Variants in ARHGAP10 observed in about 807,000 individuals in gnomAD.
The protein encoded by ARHGAP10 is rho GTPase-activating protein 10.
ARHGAP10 carries 87 observed loss-of-function variants against 108.6 expected under a neutral mutation model. The observed-to-expected ratio is 0.80, with a 90% CI of 0.67 to 0.96. The LOEUF (loss-of-function observed/expected upper bound fraction) is 0.96, where lower values mean the gene tolerates loss of function less well. Among genes scored for constraint, ARHGAP10 ranks in the 40% least tolerant of loss-of-function variants. The pLI, the probability that ARHGAP10 is intolerant of heterozygous loss-of-function variation, is 0.00. For synonymous variants in ARHGAP10, 347 were observed against 341.1 expected, an observed-to-expected ratio of 1.02 and a Z score of -0.19; for missense variants, 939 against 954.5, an observed-to-expected ratio of 0.98 and a Z score of 0.21.
chr4:147,881,628 G>A (rs990098191), intron 9 of ARHGAP10, among the ~76,000 whole-genome samples: 9 of 152,120 alleles, frequency 5.9e-5, no homozygotes, highest in Admixed American at 5.9e-4. Context: ...AAAGAGCGAG[G>A]CTCCCTTCTC....
At chr4:147,906,394 G>A (rs975996651) in intron 10 of ARHGAP10, among the ~76,000 whole-genome samples, 2 of 152,182 alleles carry the variant, frequency 1.3e-5, no homozygotes, top group Non-Finnish European at 2.9e-5. Flanking sequence ...CAGGTACAGA[G>A]TTTCAGTTTT....
rs1172784850 is a variant in ARHGAP10, at chr4:148,063,338, G to GCACA, written c.2180+43_2180+46dup. 2.5e-6 allele frequency: 4 copies of GCACA among 1,611,594 alleles called. No homozygotes were observed. In the African/African-American group the frequency reaches 5.3e-5, roughly 22 times the overall value. On this transcript the variant is annotated intron_variant, in intron 21 of 22. Coordinates refer to ENST00000336498, the MANE Select transcript of ARHGAP10 (RefSeq NM_024605.4). ...GAGTGGAATGTGGAATATGGTGGCA[G>GCACA]CACACACAGGGGGCTTGATGAACCT... is the stretch of plus-strand genomic sequence containing the variant.
intron 20 of ARHGAP10, among the ~76,000 whole-genome samples, chr4:148,058,143 C>T (rs1399092445): frequency 6.6e-6 from 1 of 152,192 alleles, no homozygotes. Context: ...TTCCTTCTGT[C>T]TTTATTAACA....
At chr4:147,779,604 G>C (rs949210873) in intron 1 of ARHGAP10, among the ~76,000 whole-genome samples, 1 of 152,096 alleles carries the variant, frequency 6.6e-6, no homozygotes, top group African/African-American at 2.4e-5. Flanking sequence ...ATGCAAAGGT[G>C]ACCCAACATT....
At chr4:148,054,322 A>G (rs979268882) in intron 20 of ARHGAP10, among the ~76,000 whole-genome samples, 1 of 152,202 alleles carries the variant, frequency 6.6e-6, no homozygotes, top group Non-Finnish European at 1.5e-5. Context: ...ATTTAAGCAA[A>G]CCAAGGCTTA....
intron 18 of ARHGAP10, among the ~76,000 whole-genome samples, chr4:147,991,161 TAAATA>T (rs945593575): frequency 1.4e-5 from 2 of 144,172 alleles, no homozygotes; most frequent in Non-Finnish European, 3.0e-5. Flanking sequence ...AAAAAAAAAA[TAAATA>T]AAAGAAAACA....
chr4:148,004,375 T>C (rs1290968196), intron 18 of ARHGAP10, among the ~76,000 whole-genome samples: 1 of 152,200 alleles, frequency 6.6e-6, no homozygotes, highest in Non-Finnish European at 1.5e-5. Flanking sequence ...TTGAAAAGAA[T>C]GAATAGATTT....
intron 18 of ARHGAP10, among the ~76,000 whole-genome samples, chr4:147,975,843 C>T (rs1002723208): frequency 3.9e-5 from 6 of 152,194 alleles, no homozygotes; most frequent in African/African-American, 7.2e-5. Context: ...AATAATGTTA[C>T]GTGCACATAT....
intron 19 of ARHGAP10, among the ~76,000 whole-genome samples, chr4:148,034,118 A>G (rs1728269303): frequency 6.6e-6 from 1 of 152,218 alleles, no homozygotes; most frequent in South Asian, 2.1e-4. Context: ...TAATGGATGT[A>G]AACCAGCCAA....
At chr4:147,839,272 CAG>C (rs1185341146) in intron 3 of ARHGAP10, among the ~76,000 whole-genome samples, 1 of 152,130 alleles carries the variant, frequency 6.6e-6, no homozygotes, top group African/African-American at 2.4e-5. Flanking sequence ...AATTGGAAAA[CAG>C]AATTTTCCCT....
At chr4:147,817,923 A>G (rs949051239) in intron 1 of ARHGAP10, among the ~76,000 whole-genome samples, 2 of 152,332 alleles carry the variant, frequency 1.3e-5, no homozygotes, top group East Asian at 1.9e-4. Context: ...ATTCTGCACT[A>G]GAGTCATTTA....
intron 1 of ARHGAP10, among the ~76,000 whole-genome samples, chr4:147,779,020 G>A (rs1002005057): frequency 1.3e-5 from 2 of 152,226 alleles, no homozygotes; most frequent in African/African-American, 4.8e-5. Context: ...TTTGGTAGAT[G>A]TGGAGGGTTT....
Position 147,780,064 on chromosome 4 carries a change from C to T in ARHGAP10, c.155-42663C>T, listed in dbSNP as rs1579034133. ...TTTCTAATTATCTGAACATTATGAA[C>T]ACTTACAGATTTGTTTATTTCAGTT... On this transcript the variant is annotated intron_variant, in intron 1 of 22. Coordinates refer to ENST00000336498, the MANE Select transcript of ARHGAP10 (RefSeq NM_024605.4). 1.1e-4 allele frequency among the ~76,000 whole-genome samples: 16 copies of T among 152,306 alleles called. No homozygotes were observed. In the South Asian group the frequency reaches 3.3e-3, roughly 32 times the overall value.
chr4:147,836,417 T>C (rs1213048317), intron 3 of ARHGAP10, among the ~76,000 whole-genome samples: 4 of 152,196 alleles, frequency 2.6e-5, no homozygotes, highest in Admixed American at 2.6e-4. Flanking sequence ...ATTCTTGGAT[T>C]ATCTGTATGA....
At chr4:147,905,397 A>G (rs1301620040) in intron 10 of ARHGAP10, among the ~76,000 whole-genome samples, 2 of 142,994 alleles carry the variant, frequency 1.4e-5, no homozygotes, top group African/African-American at 5.2e-5. Context: ...TCCATCTTGA[A>G]TTAATTTTTG....
intron 19 of ARHGAP10, among the ~76,000 whole-genome samples, chr4:148,023,985 A>G (rs7664520): frequency 0.12 from 18,354 of 152,272 alleles, 1,674 homozygotes; most frequent in African/African-American, 0.26. Flanking sequence ...CTTCCGAGCC[A>G]TGCTGTTCAG....
At chr4:147,854,512 A>C (rs1734012099) in intron 4 of ARHGAP10, among the ~76,000 whole-genome samples, 1 of 152,180 alleles carries the variant, frequency 6.6e-6, no homozygotes, top group Admixed American at 6.5e-5. Context: ...ATTTATAAGA[A>C]AAGTTTTCAT....
At chr4:147,767,074 C>T (rs1729867072) in intron 1 of ARHGAP10, among the ~76,000 whole-genome samples, 1 of 151,880 alleles carries the variant, frequency 6.6e-6, no homozygotes, top group Admixed American at 6.6e-5. Flanking sequence ...TGATCTCAAA[C>T]TCTTGACCTC....
intron 16 of ARHGAP10, among the ~76,000 whole-genome samples, chr4:147,961,909 G>T (rs965163268): frequency 4.6e-5 from 7 of 152,084 alleles, no homozygotes; most frequent in African/African-American, 1.4e-4. Context: ...TGCATTGCCT[G>T]CTTGACTTAG....
Sources: gnomAD v4.1 joint callset for allele counts (sites outside exome capture counted in the v4.1 genomes callset) on GRCh38, gnomAD v4.1.1 for gene constraint, MANE v1.5 for transcripts, NCBI Gene and HGNC (gene_info 2026-07-23, HGNC 2026-07-21) for gene names.